PLEKHA7: variants seen among roughly 807,000 people sequenced by gnomAD.
PLEKHA7 encodes the protein pleckstrin homology domain containing A7.
A neutral mutation model predicts 170.0 loss-of-function variants in PLEKHA7; 104 were observed. The ratio of observed to expected loss-of-function variants is 0.61; its 90% CI spans 0.52 to 0.72. The LOEUF (loss-of-function observed/expected upper bound fraction) is 0.72. Ranked by LOEUF, PLEKHA7 falls within the 30% of genes least tolerant of loss-of-function variation. The pLI is 0.00. For missense variants in PLEKHA7, 1,615 were observed against 1,671.7 expected (o/e 0.97, Z 0.59); for synonymous variants, 648 against 660.8 (o/e 0.98, Z 0.30).
At chr11:16,887,670 G>A (rs1403793317) in intron 3 of PLEKHA7, among the ~76,000 whole-genome samples, 1 of 152,226 alleles carries the variant, frequency 6.6e-6, no homozygotes, top group Non-Finnish European at 1.5e-5. Context: ...TGCTGGAATT[G>A]CAGACGGAGT....
intron 3 of PLEKHA7, among the ~76,000 whole-genome samples, chr11:16,877,100 T>C (rs1039230341): frequency 1.3e-5 from 2 of 152,226 alleles, no homozygotes; most frequent in African/African-American, 4.8e-5. Flanking sequence ...GGAGGGACTC[T>C]ATTAAAGATC....
intron 9 of PLEKHA7, among the ~76,000 whole-genome samples, chr11:16,827,820 C>A (rs1850778440): frequency 7.6e-6 from 1 of 130,858 alleles, no homozygotes; most frequent in Non-Finnish European, 1.7e-5. Flanking sequence ...TTTAGCTATA[C>A]TCCATGGTTA....
intron 13 of PLEKHA7, among the ~76,000 whole-genome samples, chr11:16,811,015 AC>A (rs1849333496): frequency 6.6e-6 from 1 of 152,162 alleles, no homozygotes; most frequent in East Asian, 1.9e-4. Context: ...ACACATTATA[AC>A]CCCCTATTGT....
At chr11:16,797,970 G>C (rs1017238638) in intron 17 of PLEKHA7, among the ~76,000 whole-genome samples, 1 of 152,150 alleles carries the variant, frequency 6.6e-6, no homozygotes, top group Non-Finnish European at 1.5e-5. Flanking sequence ...TTCATAATGA[G>C]GGGAGGGGAA....
chr11:16,889,694 CAG>C (rs1185202122), intron 3 of PLEKHA7, among the ~76,000 whole-genome samples: 2 of 151,944 alleles, frequency 1.3e-5, no homozygotes, highest in Non-Finnish European at 2.9e-5. Context: ...TAGGTTGATT[CAG>C]AGAGAGAAGA....
intron 6 of PLEKHA7, among the ~76,000 whole-genome samples, chr11:16,852,624 A>T (rs1590342454): frequency 6.6e-6 from 1 of 152,358 alleles, no homozygotes; most frequent in East Asian, 1.9e-4. Flanking sequence ...CTAGAAAGTA[A>T]ATTAAGAAAG....
In PLEKHA7 at chr11:16,967,400, C is replaced by A. The variant is rs150729919; in HGVS notation, c.221+46589G>T. On this transcript the variant is annotated intron_variant, in intron 3 of 26. Transcript: ENST00000531066. ...CAAGTTGGCTTCTGTTCTCTTATAG[C>A]AAAATAAGCAAAAATCTAGGTGATT... is the stretch of plus-strand genomic sequence containing the variant. Among the ~76,000 whole-genome samples the A allele has an allele frequency of 8.8e-3, 1,337 of 152,288 alleles. 25 individuals are homozygous for A. Among genetic ancestry groups the A allele is most frequent in the African/African-American group, 0.03 (1,258 of 41,558 alleles).
chr11:16,850,441 C>G (rs1310398285), intron 8 of PLEKHA7, among the ~76,000 whole-genome samples: 1 of 152,220 alleles, frequency 6.6e-6, no homozygotes, highest in African/African-American at 2.4e-5. Context: ...CAATCCACCC[C>G]ATCCTTACCT....
chr11:16,825,718 C>G (rs1183612479), intron 10 of PLEKHA7, among the ~76,000 whole-genome samples: 1 of 133,316 alleles, frequency 7.5e-6, no homozygotes, highest in Non-Finnish European at 1.7e-5. Context: ...TGTATTTACT[C>G]TAGTTTCTAT....
intron 3 of PLEKHA7, among the ~76,000 whole-genome samples, chr11:16,967,982 A>T (rs1256586357): frequency 6.6e-6 from 1 of 152,140 alleles, no homozygotes; most frequent in Non-Finnish European, 1.5e-5. Context: ...GGCTCAGGGC[A>T]TATAGGAAAG....
chr11:16,797,862 T>C (rs1400723281), intron 17 of PLEKHA7, among the ~76,000 whole-genome samples: 4 of 152,112 alleles, frequency 2.6e-5, no homozygotes, highest in African/African-American at 4.8e-5. Flanking sequence ...CCCTGATGCC[T>C]TTCTGTCACC....
intron 4 of PLEKHA7, among the ~76,000 whole-genome samples, chr11:16,870,639 C>T (rs1033109565): frequency 1.9e-5 from 2 of 102,640 alleles, no homozygotes; most frequent in Non-Finnish European, 4.4e-5. Context: ...AAGACCCTGC[C>T]TCAAAAAAAA....
chr11:16,785,831 C>T (rs1203302659), intron 24 of PLEKHA7, among the ~76,000 whole-genome samples: 1 of 152,210 alleles, frequency 6.6e-6, no homozygotes, highest in Non-Finnish European at 1.5e-5. Flanking sequence ...GTTGGCCTCA[C>T]CAGCCAGTTG....
At chr11:16,965,137 C>T (rs34920858) in intron 3 of PLEKHA7, among the ~76,000 whole-genome samples, 7,373 of 151,228 alleles carry the variant, frequency 0.049, 247 homozygotes, top group Non-Finnish European at 0.074. Flanking sequence ...GGCGAAACCC[C>T]GTCTCTACAA....
Position 16,791,629 on chromosome 11 carries a change from G to A in PLEKHA7, c.2746-430C>T. 1 of 461,830 alleles carries A rather than the reference G, an allele frequency of 2.2e-6. No homozygotes were observed. Among genetic ancestry groups the A allele is most frequent in the Non-Finnish European group, 4.3e-6 (1 of 230,654 alleles). 28.6% of individuals were successfully genotyped at this position (461,830 alleles called of 1,614,324 possible). ...ACCCACTCAGCAGTGCTCAGCCTGA[G>A]CCGGCTCATTGGCCCTACACGAGCT... is the stretch of plus-strand genomic sequence containing the variant. On this transcript the variant is annotated intron_variant, in intron 19 of 26. Transcript: ENST00000531066. This position sits in a 1 kb window ranked among gnomAD's most constrained non-coding sequence, Gnocchi z 4.5.
chr11:16,991,193 A>G (rs1397085760), intron 3 of PLEKHA7, among the ~76,000 whole-genome samples: 4 of 152,154 alleles, frequency 2.6e-5, no homozygotes, highest in Non-Finnish European at 5.9e-5. Context: ...ACCTCTCAGC[A>G]GCTGATTGGC....
intron 3 of PLEKHA7, among the ~76,000 whole-genome samples, chr11:16,937,477 C>T (rs1860384404): frequency 6.6e-6 from 1 of 151,968 alleles, no homozygotes; most frequent in South Asian, 2.1e-4. Context: ...AGAAATTGGC[C>T]CAGTCTGAGG....
chr11:16,948,852 G>A (rs994915178), intron 3 of PLEKHA7, among the ~76,000 whole-genome samples: 4 of 152,134 alleles, frequency 2.6e-5, no homozygotes, highest in Non-Finnish European at 5.9e-5. Flanking sequence ...CCACTTTCCC[G>A]CTTCCAGGGC....
chr11:16,820,796 TC>T (rs976094793), intron 10 of PLEKHA7, among the ~76,000 whole-genome samples: 2 of 152,062 alleles, frequency 1.3e-5, no homozygotes, highest in Non-Finnish European at 2.9e-5. Flanking sequence ...ATCCCTAAGC[TC>T]ATCCTCTAAC....
Sources: allele counts gnomAD v4.1 joint callset (sites outside exome capture counted in the v4.1 genomes callset), GRCh38; gene constraint gnomAD v4.1.1; non-coding constraint Gnocchi (gnomAD v3.1); transcripts MANE v1.5; gene names NCBI Gene and HGNC (gene_info 2026-07-23, HGNC 2026-07-21).